FUT8: variants seen among roughly 807,000 people sequenced by gnomAD.
FUT8 encodes the protein alpha-(1,6)-fucosyltransferase.
Under a neutral mutation model 71.3 loss-of-function variants are expected in FUT8, and 29 were observed. The ratio of observed to expected loss-of-function variants is 0.41; its 90% CI spans 0.30 to 0.55. The LOEUF (loss-of-function observed/expected upper bound fraction) is 0.55. Among genes scored for constraint, FUT8 ranks in the 20% least tolerant of loss-of-function variants. FUT8 has a pLI of 0.34. For missense variants in FUT8, 544 were observed against 702.1 expected, an observed-to-expected ratio of 0.77 and a Z score of 2.55; for synonymous variants, 254 against 239.3, an observed-to-expected ratio of 1.06 and a Z score of -0.57.
intron 1 of FUT8, among the ~76,000 whole-genome samples, chr14:65,449,090 A>T (rs1482389828): frequency 6.6e-6 from 1 of 152,242 alleles, no homozygotes; most frequent in Non-Finnish European, 1.5e-5. Context: ...CATTATGAAT[A>T]AATAAATAGA....
intron 2 of FUT8, among the ~76,000 whole-genome samples, chr14:65,513,309 G>T (rs932387812): frequency 6.6e-6 from 1 of 152,186 alleles, no homozygotes; most frequent in Non-Finnish European, 1.5e-5. Context: ...CTGTGCATTA[G>T]TTGGCATTTA....
At chr14:65,436,955 C>G (rs1284672925) in intron 1 of FUT8, among the ~76,000 whole-genome samples, 1 of 152,228 alleles carries the variant, frequency 6.6e-6, no homozygotes, top group Non-Finnish European at 1.5e-5. Flanking sequence ...AAATGCCCTA[C>G]AGGCAGTATG....
chr14:65,702,260 G>T (rs1027035374), intron 7 of FUT8, among the ~76,000 whole-genome samples: 22 of 150,978 alleles, frequency 1.5e-4, no homozygotes, highest in African/African-American at 5.1e-4. Flanking sequence ...CAGGAGAATC[G>T]CTTGAACCCG....
intron 3 of FUT8, among the ~76,000 whole-genome samples, chr14:65,595,748 AC>A (rs1446985527): frequency 6.6e-6 from 1 of 151,200 alleles, no homozygotes; most frequent in Non-Finnish European, 1.5e-5. Flanking sequence ...AGCTGGTATT[AC>A]AGGCACCCGC....
At chr14:65,455,523 C>T in intron 1 of FUT8, 98 bp from the exon 2 acceptor site, 1 of 394,014 alleles carries the variant, frequency 2.5e-6, no homozygotes, top group East Asian at 3.6e-5. Context: ...TTATGACTGG[C>T]TACATAAAGA....
chr14:65,702,715 C>T (rs901681161), intron 7 of FUT8, among the ~76,000 whole-genome samples: 2 of 150,826 alleles, frequency 1.3e-5, no homozygotes, highest in East Asian at 1.9e-4. Context: ...CAGGTTGAGG[C>T]GTGTGTTACA....
Position 65,742,314 on chromosome 14 carries a change from C to T in FUT8, c.1632C>T (p.Asn544=). Reference sequence around the variant, plus strand: ...GGGATGGCTATTCTAAAGGTGTCAACAGGAAATTGGGAAGGACGGGCCTAT... The same window carrying T: ...GGGATGGCTATTCTAAAGGTGTCAATAGGAAATTGGGAAGGACGGGCCTAT... ...NHWDGYSKGV[N]RKLGRTGLYP... Residue 544 remains asparagine, a synonymous_variant, in exon 11 of 11, where the codon AAC becomes AAT. Transcript: ENST00000673929. The T allele has an allele frequency of 1.2e-6, 2 of 1,612,936 alleles. No individual in the cohort carries two copies. Among genetic ancestry groups the T allele is most frequent in the Non-Finnish European group, 1.7e-6 (2 of 1,179,350 alleles).
intron 2 of FUT8, among the ~76,000 whole-genome samples, chr14:65,551,607 A>G (rs1421471892): frequency 6.6e-6 from 1 of 152,216 alleles, no homozygotes; most frequent in Admixed American, 6.5e-5. Context: ...GTTGCAGATG[A>G]TGAATAGGTT....
At chr14:65,534,190 A>G (rs1884138994) in intron 2 of FUT8, among the ~76,000 whole-genome samples, 1 of 152,000 alleles carries the variant, frequency 6.6e-6, no homozygotes, top group Admixed American at 6.6e-5. Context: ...GTGTGCAAAC[A>G]TGACTCACTG....
intron 3 of FUT8, among the ~76,000 whole-genome samples, chr14:65,580,430 GTGTATATAATAC>G (rs980219000): frequency 5.9e-5 from 9 of 151,442 alleles, no homozygotes; most frequent in African/African-American, 2.2e-4. Context: ...ATATATATAT[GTGTATATAATAC>G]TGTATATAAT....
intron 1 of FUT8, among the ~76,000 whole-genome samples, chr14:65,441,678 G>T (rs1036278387): frequency 2.1e-5 from 3 of 142,722 alleles, no homozygotes; most frequent in African/African-American, 7.9e-5. Flanking sequence ...GCCTGAATCC[G>T]GGAGGCAGAG....
At chr14:65,613,085 T>C (rs1476914673) in intron 3 of FUT8, among the ~76,000 whole-genome samples, 2 of 152,192 alleles carry the variant, frequency 1.3e-5, no homozygotes, top group East Asian at 3.9e-4. Flanking sequence ...TTAGGCAATA[T>C]GGATTACTAA....
intron 7 of FUT8, among the ~76,000 whole-genome samples, chr14:65,671,784 TTATCTA>T (rs931533333): frequency 1.4e-4 from 22 of 152,336 alleles, no homozygotes; most frequent in Admixed American, 3.3e-4. Flanking sequence ...CTTATTTACA[TTATCTA>T]TATATGTGCC....
intron 1 of FUT8, among the ~76,000 whole-genome samples, chr14:65,439,719 A>G (rs765154378): frequency 6.6e-6 from 1 of 151,910 alleles, no homozygotes; most frequent in Non-Finnish European, 1.5e-5. Context: ...AAAGGAAAAT[A>G]AATGCTCCCT....
chr14:65,705,260 G>A (rs958716114), intron 7 of FUT8, among the ~76,000 whole-genome samples: 1 of 152,052 alleles, frequency 6.6e-6, no homozygotes, highest in Non-Finnish European at 1.5e-5. Flanking sequence ...AAAAACAACA[G>A]GAAAGTAGCC....
In FUT8 at chr14:65,561,456, T is replaced by C. The variant is rs1472077857; in HGVS notation, c.-108T>C. 12 of 989,414 alleles carry C rather than the reference T, an allele frequency of 1.2e-5. No homozygotes were observed. Among genetic ancestry groups the C allele is most frequent in the Non-Finnish European group, 1.9e-5 (12 of 643,422 alleles). The allele number at this position is 989,414 out of a possible 1,614,324, so 61.3% of individuals were successfully genotyped here. ...AATAATTTGTCTGAAGCATCATGTG[T>C]TGAAACAACAGAAGTCTATTCACCT... On this transcript the variant is annotated 5_prime_UTR_variant, in exon 3 of 11. Transcript: ENST00000673929.
Position 65,561,334 on chromosome 14 carries a change from C to T in FUT8, c.-227-3C>T. The T allele has an allele frequency of 2.0e-6, 1 of 499,652 alleles. No individual in the cohort carries two copies. The highest frequency in any genetic ancestry group is 3.1e-5 in the East Asian group (1 of 32,274). 31.0% of individuals were successfully genotyped at this position (499,652 alleles called of 1,614,324 possible). ...TTAAATACATTTCTTACTCTTTCCACAGCATGTAGAGCGCATGAAGTACAG... is the reference window on the plus strand; with the variant it reads ...TTAAATACATTTCTTACTCTTTCCATAGCATGTAGAGCGCATGAAGTACAG... On this transcript the variant is annotated splice_region_variant and splice_polypyrimidine_tract_variant and intron_variant, in intron 2 of 10. Transcript: ENST00000673929.
chr14:65,374,758 CTAATTTT>C, the FUT8 span, among the ~76,000 whole-genome samples: 3 of 117,672 alleles, frequency 2.5e-5, no homozygotes, highest in Admixed American at 8.7e-5. Flanking sequence ...CCACGCCTGG[CTAATTTT>C]TTTTTTTTGT....
intron 2 of FUT8, among the ~76,000 whole-genome samples, chr14:65,549,524 T>G (rs1188084135): frequency 6.6e-6 from 1 of 152,200 alleles, no homozygotes; most frequent in Non-Finnish European, 1.5e-5. Flanking sequence ...ATATTTTCAA[T>G]GTACATTACT....
Sources: gnomAD v4.1 joint callset for allele counts (sites outside exome capture counted in the v4.1 genomes callset) on GRCh38, gnomAD v4.1.1 for gene constraint, MANE v1.5 for transcripts, NCBI Gene and HGNC (gene_info 2026-07-23, HGNC 2026-07-21) for gene names.